Variants in GSDME observed in about 807,000 individuals in gnomAD.
GSDME encodes gasdermin-E.
Under a neutral mutation model 47.5 loss-of-function variants are expected in GSDME, and 44 were observed. The observed-to-expected ratio is 0.93, with a 90% confidence interval of 0.73 to 1.19. GSDME has a LOEUF of 1.19. Ranked by LOEUF, GSDME falls within the 50% of genes most tolerant of loss-of-function variation. The pLI is 0.00. For synonymous variants in GSDME, 258 were observed against 252.8 expected (o/e 1.02, Z -0.20); for missense variants, 663 against 604.2 (o/e 1.10, Z -1.02).
intron 5 of GSDME, among the ~76,000 whole-genome samples, chr7:24,713,831 C>G (rs2128051521): frequency 6.6e-6 from 1 of 152,284 alleles, no homozygotes; most frequent in Non-Finnish European, 1.5e-5. Flanking sequence ...TGGCAGAGCC[C>G]CTGTAGTCCC....
the GSDME span, among the ~76,000 whole-genome samples, chr7:24,787,448 G>A: frequency 6.6e-6 from 1 of 152,206 alleles, no homozygotes; most frequent in Non-Finnish European, 1.5e-5. The surrounding 1 kb of genome is among the most constrained non-coding windows in gnomAD (Gnocchi z 5.0). Flanking sequence ...ACCGTATGGT[G>A]CTATCTGGGT....
rs928911327 is a variant in GSDME at position 24,732,905 on chromosome 7, G to C, written c.404+11657C>G. 2.0e-5 allele frequency among the ~76,000 whole-genome samples: 3 copies of C among 152,048 alleles called. No homozygotes were observed. The highest frequency in any genetic ancestry group is 6.5e-5 in the Admixed American group (1 of 15,268). ...GCTGGGCTCAGAGCCAGTGGATTTG[G>C]GGGGTGGGTACACAACCTACTGAGA... On this transcript the variant is annotated intron_variant, in intron 3 of 9. Transcript: ENST00000645220. The surrounding 1 kb of genome is among the most constrained non-coding windows in gnomAD (Gnocchi z 4.8).
intron 8 of GSDME, chr7:24,703,242 CAT>C (rs1788953839): frequency 8.9e-6 from 3 of 335,328 alleles, no homozygotes; most frequent in South Asian, 2.5e-5. Context: ...CCTCATTTAC[CAT>C]AGTTGTTTTG....
At chr7:24,781,152 A>G in the GSDME span, among the ~76,000 whole-genome samples, 3 of 152,230 alleles carry the variant, frequency 2.0e-5, no homozygotes, top group Non-Finnish European at 4.4e-5. Flanking sequence ...AAGGAGATCA[A>G]CATGACCTCC....
At position 24,719,184 on chromosome 7, in the gene GSDME, C is replaced by T. The variant is rs1390432823; in HGVS notation, c.439G>A (p.Val147Met). 8.1e-6 allele frequency: 13 copies of T among 1,613,172 alleles called. No homozygotes were observed. The South Asian group carries it at 1.3e-4, about 16-fold the overall frequency. Residue 147 changes from valine (V) to methionine (M), a missense_variant, in exon 4 of 10, where the codon GTG becomes ATG. Coordinates refer to ENST00000645220, the MANE Select transcript of GSDME (RefSeq NM_001127453.2). ...AGGACCTCATTCCTTCCTTCCAGCA[C>T]CTGCTGGAGCACAGGGTTTCTCAGA... ...INLRNPVLQQ[V>M]LEGRNEVLCV...
At chr7:24,770,612 G>C in the GSDME span, among the ~76,000 whole-genome samples, 1 of 152,108 alleles carries the variant, frequency 6.6e-6, no homozygotes, top group Non-Finnish European at 1.5e-5. The surrounding 1 kb of genome is among the most constrained non-coding windows in gnomAD (Gnocchi z 4.6). Context: ...CGCCCAGCTG[G>C]TGTCAGAGAA....
intron 5 of GSDME, among the ~76,000 whole-genome samples, chr7:24,713,715 G>A (rs149708163): frequency 3.3e-4 from 50 of 152,382 alleles, no homozygotes; most frequent in African/African-American, 1.1e-3. Context: ...CCACAGAAGG[G>A]TGTCTGAGCA....
At chr7:24,710,561 A>G in intron 5 of GSDME, 173 bp from the exon 6 acceptor site, 1 of 630,092 alleles carries the variant, frequency 1.6e-6, no homozygotes, top group Non-Finnish European at 2.8e-6. Flanking sequence ...ATGTTGCTTG[A>G]CCAAAAGCCC....
intron 4 of GSDME, among the ~76,000 whole-genome samples, chr7:24,717,728 C>T (rs1222141119): frequency 6.6e-6 from 1 of 152,170 alleles, no homozygotes; most frequent in Non-Finnish European, 1.5e-5. Context: ...CTAATGAAAA[C>T]CTTAAACAGT....
chr7:24,715,607 T>G (rs773447302), intron 5 of GSDME: 1 of 419,148 alleles, frequency 2.4e-6, no homozygotes, highest in Middle Eastern at 3.5e-4. Context: ...GTGACCCTAC[T>G]TACCACATAC....
At chr7:24,731,474 C>G (rs1218666448) in intron 3 of GSDME, among the ~76,000 whole-genome samples, 3 of 152,344 alleles carry the variant, frequency 2.0e-5, no homozygotes, top group East Asian at 3.9e-4. Flanking sequence ...AAAACAAGAG[C>G]TCAAACAAAA....
At chr7:24,701,318 T>C (rs1031527319) in intron 9 of GSDME, among the ~76,000 whole-genome samples, 3 of 152,232 alleles carry the variant, frequency 2.0e-5, no homozygotes, top group African/African-American at 7.2e-5. Flanking sequence ...AGGCAGAATG[T>C]GCAGAAGCAG....
At chr7:24,752,582 C>T (rs1562717764) in intron 1 of GSDME, among the ~76,000 whole-genome samples, 1 of 152,104 alleles carries the variant, frequency 6.6e-6, no homozygotes, top group Admixed American at 6.5e-5. Context: ...ATGCTGGTAT[C>T]CCAGGTGCAG....
chr7:24,716,291 G>A lies in GSDME; in HGVS notation c.697+963C>T, dbSNP rs77571609. ...CCTCTCAGCCAAGCCTCCTTCCCTC[G>A]GCAGCTGCCCATGCTCACACCCTTT... On this transcript the variant is annotated intron_variant, in intron 5 of 9. Transcript: ENST00000645220. This position sits in a 1 kb window ranked among gnomAD's most constrained non-coding sequence, Gnocchi z 4.5. 3.5e-3 allele frequency among the ~76,000 whole-genome samples: 527 copies of A among 152,230 alleles called. 1 individual carries two copies. Among genetic ancestry groups the A allele is most frequent in the African/African-American group, 0.012 (484 of 41,532 alleles).
rs374900925 is a variant in GSDME, at chr7:24,726,206, C to A, written c.405-6988G>T. On this transcript the variant is annotated intron_variant, in intron 3 of 9. Coordinates refer to ENST00000645220, the MANE Select transcript of GSDME (RefSeq NM_001127453.2). The surrounding 1 kb of genome is among the most constrained non-coding windows in gnomAD (Gnocchi z 5.6). ...AGCCTGAAGCTTTAATTTCCATTTT[C>A]TCTGCTTCTAAGACTTTCAAGAGCC... Among the ~76,000 whole-genome samples the A allele has an allele frequency of 6.6e-6, 1 of 152,188 alleles. No individual in the cohort carries two copies. Among genetic ancestry groups the A allele is most frequent in the African/African-American group, 2.4e-5 (1 of 41,448 alleles).
chr7:24,711,552 G>A (rs1192430579), intron 5 of GSDME, among the ~76,000 whole-genome samples: 1 of 152,086 alleles, frequency 6.6e-6, no homozygotes, highest in African/African-American at 2.4e-5. Flanking sequence ...CGGGCATGGT[G>A]GCTCACACCT....
chr7:24,729,067 G>A (rs547931586), intron 3 of GSDME, among the ~76,000 whole-genome samples: 1 of 152,272 alleles, frequency 6.6e-6, no homozygotes, highest in Admixed American at 6.5e-5. Flanking sequence ...ACGACCCCTG[G>A]AAAGAGAAAG....
chr7:24,703,678 G>A (rs1055358010), intron 8 of GSDME: 9 of 152,906 alleles, frequency 5.9e-5, no homozygotes, highest in Admixed American at 5.9e-4. Flanking sequence ...GTGTTGTTGA[G>A]GTGTGACCCA....
rs1446087381 is a variant in GSDME, at chr7:24,745,482, T to C, written c.212-728A>G. Among the ~76,000 whole-genome samples, 1 of 152,256 alleles carries C rather than the reference T, an allele frequency of 6.6e-6. No individual in the cohort carries two copies. Among genetic ancestry groups the C allele is most frequent in the African/African-American group, 2.4e-5 (1 of 41,466 alleles). On this transcript the variant is annotated intron_variant, in intron 2 of 9. Transcript: ENST00000645220. This position sits in a 1 kb window ranked among gnomAD's most constrained non-coding sequence, Gnocchi z 4.4. ...TCCTCATCATATAATTCCTTATCTC[T>C]GACTTCCTGATAAGGTCAGTGGACA...
Sources: gnomAD v4.1 joint callset for allele counts (sites outside exome capture counted in the v4.1 genomes callset) on GRCh38, gnomAD v4.1.1 for gene constraint, Gnocchi (gnomAD v3.1) non-coding constraint, MANE v1.5 for transcripts, NCBI Gene and HGNC (gene_info 2026-07-23, HGNC 2026-07-21) for gene names.